Variants in UQCC6 observed in about 807,000 individuals in gnomAD.
The protein encoded by UQCC6 is protein BRAWNIN.
chr12:103,961,528 C>G, the UQCC6 span, among the ~76,000 whole-genome samples: 1 of 124,468 alleles, frequency 8.0e-6, no homozygotes, highest in African/African-American at 3.0e-5. Flanking sequence ...ATCTTTAATA[C>G]TGTTTGGTTT....
chr12:103,953,596 T>C, the UQCC6 span: 2 of 702,066 alleles, frequency 2.8e-6, no homozygotes, highest in South Asian at 1.5e-5. Flanking sequence ...CCAAAAGACA[T>C]AGGTAAAGAA....
chr12:103,963,969 C>T, the UQCC6 span, among the ~76,000 whole-genome samples: 1 of 151,562 alleles, frequency 6.6e-6, no homozygotes, highest in Non-Finnish European at 1.5e-5. Context: ...TTCCAGATTG[C>T]TAAAAGCTCT....
the UQCC6 span, chr12:103,953,417 T>C: frequency 1.4e-6 from 1 of 702,324 alleles, no homozygotes; most frequent in Non-Finnish European, 2.6e-6. Flanking sequence ...AAAGCACCTG[T>C]AGCAGTTCTC....
At chr12:103,953,352 G>A in the UQCC6 span, 1 of 701,414 alleles carries the variant, frequency 1.4e-6, no homozygotes, top group Non-Finnish European at 2.6e-6. Context: ...CTTTCAACCT[G>A]AACTACAACA....
chr12:103,961,443 C>T, the UQCC6 span, among the ~76,000 whole-genome samples: 1 of 152,176 alleles, frequency 6.6e-6, no homozygotes, highest in Non-Finnish European at 1.5e-5. Flanking sequence ...CCTAGACCTT[C>T]GCACTCACTG....
At chr12:103,962,725 T>C in the UQCC6 span, among the ~76,000 whole-genome samples, 3 of 152,250 alleles carry the variant, frequency 2.0e-5, no homozygotes, top group Non-Finnish European at 4.4e-5. Context: ...GAAGTGGGTA[T>C]AAATATGACT....
the UQCC6 span, chr12:103,956,830 C>G: frequency 2.3e-6 from 2 of 860,712 alleles, no homozygotes; most frequent in Non-Finnish European, 3.7e-6. Flanking sequence ...CCAGCCAGCG[C>G]TGGACACGAG....
the UQCC6 span, chr12:103,956,813 A>T: frequency 9.7e-7 from 1 of 1,036,048 alleles, no homozygotes; most frequent in Non-Finnish European, 1.5e-6. Flanking sequence ...GCCAGGGCTG[A>T]GGCGCTCCAG....
the UQCC6 span, among the ~76,000 whole-genome samples, chr12:103,955,369 G>A: frequency 6.6e-6 from 1 of 152,142 alleles, no homozygotes; most frequent in Non-Finnish European, 1.5e-5. Context: ...AGGCACAGTG[G>A]CTCACACCTG....
the UQCC6 span, among the ~76,000 whole-genome samples, chr12:103,964,126 A>G: frequency 1.8e-4 from 25 of 141,390 alleles, no homozygotes; most frequent in East Asian, 5.3e-3. Flanking sequence ...AACTCCTCCC[A>G]TAAGCTTTTT....
the UQCC6 span, among the ~76,000 whole-genome samples, chr12:103,965,110 T>C: frequency 2.6e-5 from 4 of 152,250 alleles, no homozygotes; most frequent in East Asian, 7.7e-4. Context: ...TCCTGCAAAC[T>C]AGAAAAACCC....
chr12:103,960,614 C>G, the UQCC6 span, among the ~76,000 whole-genome samples: 2 of 152,084 alleles, frequency 1.3e-5, no homozygotes, highest in African/African-American at 4.8e-5. Context: ...GACACATACC[C>G]CACACCATAT....
the UQCC6 span, among the ~76,000 whole-genome samples, chr12:103,952,545 T>A: frequency 6.6e-6 from 1 of 152,350 alleles, no homozygotes; most frequent in East Asian, 1.9e-4. Context: ...AACCTAAAAG[T>A]GGCATTGCTG....
chr12:103,965,663 A>C, the UQCC6 span: 1 of 251,804 alleles, frequency 4.0e-6, no homozygotes, highest in Non-Finnish European at 7.6e-6. Flanking sequence ...AAAATACTGG[A>C]GACAAAAGCT....
chr12:103,953,816 C>G, the UQCC6 span, among the ~76,000 whole-genome samples: 1 of 152,160 alleles, frequency 6.6e-6, no homozygotes, highest in African/African-American at 2.4e-5. Flanking sequence ...TTGCACATTC[C>G]CAATTATAAT....
At chr12:103,951,780 G>A in the UQCC6 span, 4 of 563,932 alleles carry the variant, frequency 7.1e-6, no homozygotes, top group Non-Finnish European at 1.3e-5. Context: ...AGAAGCTCTG[G>A]TTGATCTAAG....
At chr12:103,954,769 A>G in the UQCC6 span, 1 of 561,446 alleles carries the variant, frequency 1.8e-6, no homozygotes, top group East Asian at 3.0e-5. Context: ...AAAGGAGGTT[A>G]TAAGAGGGGG....
the UQCC6 span, among the ~76,000 whole-genome samples, chr12:103,963,567 T>C: frequency 6.6e-6 from 1 of 152,242 alleles, no homozygotes; most frequent in African/African-American, 2.4e-5. Flanking sequence ...TCACAATATT[T>C]GGTCTTCTGA....
the UQCC6 span, chr12:103,954,780 G>C: frequency 8.8e-6 from 5 of 567,012 alleles, no homozygotes; most frequent in South Asian, 1.2e-4. Context: ...TAAGAGGGGG[G>C]ATTTTCACTT....
Sources: gnomAD v4.1 joint callset for allele counts (sites outside exome capture counted in the v4.1 genomes callset) on GRCh38, gnomAD v4.1.1 for gene constraint, MANE v1.5 for transcripts, NCBI Gene and HGNC (gene_info 2026-07-23, HGNC 2026-07-21) for gene names.